Variants in PPARD observed in about 807,000 individuals in gnomAD.
The protein encoded by PPARD is peroxisome proliferator activated receptor delta.
Under a neutral mutation model 39.5 loss-of-function variants are expected in PPARD, and 6 were observed. The observed-to-expected ratio is 0.15, with a 90% CI of 0.08 to 0.30. The LOEUF is 0.30. PPARD is among the 10% of genes least tolerant of loss of function. PPARD has a pLI of 1.00. For synonymous variants in PPARD, 210 were observed against 231.3 expected, an observed-to-expected ratio of 0.91 and a Z score of 0.83; for missense variants, 397 against 596.8, an observed-to-expected ratio of 0.67 and a Z score of 3.49.
rs185921376 is a variant in PPARD at position 35,399,998 on chromosome 6, A to G, written c.-101-10989A>G. ...TCAGTGTTTTCCTATAAGGGGAAGT[A>G]TAGGGTCAAAGAACGTGAACGCTTT... On this transcript the variant is annotated intron_variant, in intron 2 of 7. Transcript: ENST00000360694. Among the ~76,000 whole-genome samples, 414 of 152,312 alleles carry G rather than the reference A, an allele frequency of 2.7e-3. 2 individuals carry two copies. Among genetic ancestry groups the G allele is most frequent in the African/African-American group, 9.4e-3 (391 of 41,574 alleles).
At chr6:35,378,193 C>T (rs982951624) in intron 2 of PPARD, among the ~76,000 whole-genome samples, 2 of 152,036 alleles carry the variant, frequency 1.3e-5, no homozygotes, top group Non-Finnish European at 2.9e-5. Flanking sequence ...GACTCTGACC[C>T]CCTTGAGAGC....
chr6:35,423,054 CAAA>C lies in PPARD; in HGVS notation c.425-868_425-866del, dbSNP rs56317397. On this transcript the variant is annotated intron_variant, in intron 5 of 7. Transcript: ENST00000360694. ...GCAACATAGTGAGACCTCATCTCTA[CAAA>C]AAAAAAAAAAAAAAAAAAAAAAATT... 2.0e-4 allele frequency among the ~76,000 whole-genome samples: 14 copies of C among 71,712 alleles called. No individual in the cohort carries two copies. In the South Asian group the frequency reaches 2.3e-3, roughly 12 times the overall value. 47.0% of individuals were successfully genotyped at this position (71,712 alleles called of 152,430 possible). A position where few individuals can be genotyped will look rare whatever the true frequency, so the allele number is the denominator to read the frequency against.
At chr6:35,390,091 C>T (rs1763922521) in intron 2 of PPARD, among the ~76,000 whole-genome samples, 1 of 152,202 alleles carries the variant, frequency 6.6e-6, no homozygotes, top group Non-Finnish European at 1.5e-5. Flanking sequence ...CCAGATGTGC[C>T]CTGTGTTCTC....
intron 2 of PPARD, among the ~76,000 whole-genome samples, chr6:35,369,621 C>G (rs1022215689): frequency 6.6e-6 from 1 of 152,146 alleles, no homozygotes; most frequent in Non-Finnish European, 1.5e-5. Context: ...TGTTTTGAAA[C>G]CTGCTTTAAA....
chr6:35,397,333 C>T (rs1045328421), intron 2 of PPARD, among the ~76,000 whole-genome samples: 2 of 152,084 alleles, frequency 1.3e-5, no homozygotes, highest in Admixed American at 6.5e-5. Flanking sequence ...AAATGAAGCC[C>T]CCCCTCCCGC....
At position 35,412,801 on chromosome 6, in the gene PPARD, G is replaced by T. The variant is rs2150788524; in HGVS notation, c.130+1584G>T. ...CCGAGTAAGCAACTTCCTGTCTATTGGCTGGTAACTGGGATGGCTTTGGAG... is the reference window on the plus strand; with the variant it reads ...CCGAGTAAGCAACTTCCTGTCTATTTGCTGGTAACTGGGATGGCTTTGGAG... On this transcript the variant is annotated intron_variant, in intron 3 of 7. Coordinates refer to ENST00000360694, the MANE Select transcript of PPARD (RefSeq NM_006238.5). The surrounding 1 kb of genome is among the most constrained non-coding windows in gnomAD (Gnocchi z 4.1). 6.6e-6 allele frequency among the ~76,000 whole-genome samples: 1 copy of T among 152,262 alleles called. No individual in the cohort carries two copies. Among genetic ancestry groups the T allele is most frequent in the Non-Finnish European group, 1.5e-5 (1 of 68,018 alleles).
At chr6:35,407,708 G>GA (rs961763234) in intron 2 of PPARD, among the ~76,000 whole-genome samples, 1 of 148,000 alleles carries the variant, frequency 6.8e-6, no homozygotes, top group African/African-American at 2.5e-5. Context: ...AATAAACTTT[G>GA]AAAAAAAAGA....
chr6:35,349,075 G>C (rs577301990), intron 2 of PPARD: 1 of 949,460 alleles, frequency 1.1e-6, no homozygotes, highest in African/African-American at 1.8e-5. Flanking sequence ...ACCCAGGCTG[G>C]AGTGCAGTGG....
intron 2 of PPARD, chr6:35,348,872 G>T: frequency 3.0e-6 from 3 of 985,424 alleles, no homozygotes; most frequent in Non-Finnish European, 3.6e-6. Context: ...TGAGCGGGGA[G>T]AGCTACTGAG....
intron 1 of PPARD, among the ~76,000 whole-genome samples, chr6:35,343,725 CG>C: frequency 6.6e-6 from 1 of 152,300 alleles, no homozygotes; most frequent in East Asian, 1.9e-4. Context: ...TTGGGGGAGA[CG>C]GCGCTGAGCT....
chr6:35,355,595 C>T (rs1277617938), intron 2 of PPARD, among the ~76,000 whole-genome samples: 778 of 50,288 alleles, frequency 0.015, 27 homozygotes, highest in African/African-American at 0.029. Flanking sequence ...TCTTCTTCTT[C>T]TTCTTTTTTT....
intron 2 of PPARD, among the ~76,000 whole-genome samples, chr6:35,391,544 A>G (rs1764004265): frequency 6.6e-6 from 1 of 152,246 alleles, no homozygotes; most frequent in African/African-American, 2.4e-5. Context: ...TCACCTAGTT[A>G]AGTTGGCATC....
chr6:35,384,244 C>T (rs9462077), intron 2 of PPARD, among the ~76,000 whole-genome samples: 1 of 134,078 alleles, frequency 7.5e-6, no homozygotes, highest in African/African-American at 3.3e-5. Context: ...CGGCCAGCCG[C>T]CCCGTCAGGG....
At chr6:35,346,939 G>A in intron 1 of PPARD, 128 bp from the exon 2 acceptor site, 1 of 587,800 alleles carries the variant, frequency 1.7e-6, no homozygotes, top group Non-Finnish European at 3.0e-6. Context: ...GGTGTGTAAG[G>A]GACCGACGAG....
Position 35,423,929 on chromosome 6 carries a change from C to G in PPARD, c.425-17C>G, listed in dbSNP as rs1429763578. The G allele has an allele frequency of 2.5e-6, 4 of 1,613,050 alleles. No individual in the cohort carries two copies. The Admixed American group carries it at 6.7e-5, about 27-fold the overall frequency. On this transcript the variant is annotated splice_polypyrimidine_tract_variant and intron_variant, in intron 5 of 7. Coordinates refer to ENST00000360694, the MANE Select transcript of PPARD (RefSeq NM_006238.5). ...GCCTGCCTGGGCTCCTTGCTGACTG[C>G]CCCCTTCCCTGTGCAGCTATCCGTT...
chr6:35,397,046 C>G (rs183109164), intron 2 of PPARD, among the ~76,000 whole-genome samples: 1 of 152,262 alleles, frequency 6.6e-6, no homozygotes, highest in Non-Finnish European at 1.5e-5. Flanking sequence ...ATTTCCTCCT[C>G]AGGACTCAGC....
intron 2 of PPARD, among the ~76,000 whole-genome samples, chr6:35,369,453 C>T (rs1405354486): frequency 6.6e-6 from 1 of 152,204 alleles, no homozygotes; most frequent in Non-Finnish European, 1.5e-5. Flanking sequence ...TGCATTCCCG[C>T]CTCGATGCCC....
intron 2 of PPARD, among the ~76,000 whole-genome samples, chr6:35,398,883 G>A (rs1764509971): frequency 6.6e-6 from 1 of 152,170 alleles, no homozygotes; most frequent in African/African-American, 2.4e-5. Context: ...GGAGGCCAAG[G>A]TGGGTGGATC....
chr6:35,423,758 A>AG (rs964517841), intron 5 of PPARD, among the ~76,000 whole-genome samples, 188 bp from the exon 6 acceptor site: 2 of 152,140 alleles, frequency 1.3e-5, no homozygotes, highest in African/African-American at 4.8e-5. Flanking sequence ...AAAAAAAAAA[A>AG]AAAATCACAT....
Sources: gnomAD v4.1 joint callset for allele counts (sites outside exome capture counted in the v4.1 genomes callset) on GRCh38, gnomAD v4.1.1 for gene constraint, Gnocchi (gnomAD v3.1) non-coding constraint, MANE v1.5 for transcripts, NCBI Gene and HGNC (gene_info 2026-07-23, HGNC 2026-07-21) for gene names.